The following FBXL13 variants were observed in gnomAD, a reference collection of about 807,000 sequenced individuals.
FBXL13 encodes the protein F-box and leucine rich repeat protein 13, also known as F-box and leucine-rich repeat protein 13.
Under a neutral mutation model 83.6 loss-of-function variants are expected in FBXL13, and 67 were observed. That is an observed-to-expected ratio of 0.80 (90% CI 0.66 to 0.98). The LOEUF is 0.98. FBXL13 is among the 50% of genes least tolerant of loss of function. The pLI is 0.00. For synonymous variants in FBXL13, 272 were observed against 299.5 expected (o/e 0.91, Z 0.95); for missense variants, 822 against 866.5 (o/e 0.95, Z 0.64).
chr7:102,869,574 C>T (rs560596880), intron 16 of FBXL13, among the ~76,000 whole-genome samples: 3 of 152,182 alleles, frequency 2.0e-5, no homozygotes, highest in South Asian at 2.1e-4. Flanking sequence ...TAAAGTGTTT[C>T]GTCTATTCTT....
At chr7:102,872,613 C>A (rs541893209) in intron 16 of FBXL13, among the ~76,000 whole-genome samples, 7 of 152,322 alleles carry the variant, frequency 4.6e-5, no homozygotes, top group African/African-American at 1.7e-4. Flanking sequence ...CACCATGGAT[C>A]CTGTGGTCTT....
intron 9 of FBXL13, among the ~76,000 whole-genome samples, chr7:102,930,912 T>C (rs1270030063): frequency 1.3e-5 from 2 of 152,202 alleles, no homozygotes; most frequent in Admixed American, 6.5e-5. Flanking sequence ...GAATATAATA[T>C]GCCAAAGTTC....
intron 4 of FBXL13, 42 bp from the exon 6 acceptor site, chr7:103,027,600 T>C (rs757346174): frequency 1.0e-5 from 13 of 1,294,278 alleles, no homozygotes; most frequent in Non-Finnish European, 1.4e-5. Context: ...TTAATAGTTA[T>C]AGCTGTTTCC....
At chr7:102,826,121 T>C (rs1479580991) in intron 18 of FBXL13, among the ~76,000 whole-genome samples, 3 of 152,188 alleles carry the variant, frequency 2.0e-5, no homozygotes, top group African/African-American at 7.2e-5. Flanking sequence ...AATTATACTT[T>C]TGTTTCTTCT....
chr7:102,991,585 C>T (rs548431615), intron 6 of FBXL13, among the ~76,000 whole-genome samples: 86 of 152,154 alleles, frequency 5.7e-4, no homozygotes, highest in Middle Eastern at 3.4e-3. Context: ...GATCATAGGA[C>T]CAGGGAAGGC....
At chr7:102,932,341 ATATC>A (rs1819345350) in intron 8 of FBXL13, among the ~76,000 whole-genome samples, 1 of 152,188 alleles carries the variant, frequency 6.6e-6, no homozygotes, top group South Asian at 2.1e-4. Flanking sequence ...TGTACAATAA[ATATC>A]TATATAGCCA....
intron 8 of FBXL13, among the ~76,000 whole-genome samples, chr7:102,950,132 CACA>C (rs905370422): frequency 4.6e-5 from 7 of 151,738 alleles, no homozygotes; most frequent in African/African-American, 1.7e-4. Flanking sequence ...AAAACAGAAA[CACA>C]ACAATAAGAA....
chr7:103,069,511 C>T (rs142351423), intron 1 of FBXL13, among the ~76,000 whole-genome samples: 1 of 152,284 alleles, frequency 6.6e-6, no homozygotes, highest in East Asian at 1.9e-4. Context: ...AACCAAATCT[C>T]TCACAATCTT....
intron 16 of FBXL13, among the ~76,000 whole-genome samples, chr7:102,871,878 C>T (rs940880891): frequency 6.6e-6 from 1 of 152,112 alleles, no homozygotes; most frequent in Non-Finnish European, 1.5e-5. Flanking sequence ...AAGAACTCCT[C>T]ATCTCTTCCT....
At chr7:102,929,363 G>A (rs1187091784) in intron 9 of FBXL13, among the ~76,000 whole-genome samples, 1 of 152,124 alleles carries the variant, frequency 6.6e-6, no homozygotes, top group East Asian at 1.9e-4. Context: ...TCAGAAGAGG[G>A]AGAAATTAAT....
At chr7:102,898,157 TC>T (rs1812488392) in intron 11 of FBXL13, among the ~76,000 whole-genome samples, 1 of 151,984 alleles carries the variant, frequency 6.6e-6, no homozygotes, top group African/African-American at 2.4e-5. Context: ...ACCCAGCCAC[TC>T]GACTCCTATA....
At chr7:102,887,805 A>G (rs1349368949) in intron 11 of FBXL13, among the ~76,000 whole-genome samples, 1 of 152,246 alleles carries the variant, frequency 6.6e-6, no homozygotes, top group Non-Finnish European at 1.5e-5. Context: ...TGACCAAACA[A>G]CTAGGCACTA....
intron 1 of FBXL13, among the ~76,000 whole-genome samples, chr7:103,064,720 G>GA (rs1348789031): frequency 6.6e-6 from 1 of 152,126 alleles, no homozygotes; most frequent in Admixed American, 6.5e-5. Context: ...CCCTCCCCTT[G>GA]AATCTAAGTG....
chr7:102,925,220 C>CCCA (rs1198922617), intron 10 of FBXL13, among the ~76,000 whole-genome samples: 1 of 151,930 alleles, frequency 6.6e-6, no homozygotes, highest in Non-Finnish European at 1.5e-5. Context: ...ATGGTGAAAC[C>CCCA]CCATCTCTAC....
chr7:103,034,523 C>T (rs1479264493), intron 2 of FBXL13, among the ~76,000 whole-genome samples: 1 of 152,264 alleles, frequency 6.6e-6, no homozygotes, highest in Non-Finnish European at 1.5e-5. Context: ...CCCACGCCCA[C>T]CCGGAACTCC....
intron 14 of FBXL13, among the ~76,000 whole-genome samples, 188 bp from the exon 16 acceptor site, chr7:102,878,638 G>A (rs576781819): frequency 6.6e-6 from 1 of 152,206 alleles, no homozygotes; most frequent in South Asian, 2.1e-4. Context: ...ATGTATAAAT[G>A]AGAGGAATGG....
intron 6 of FBXL13, among the ~76,000 whole-genome samples, chr7:103,012,695 TA>T (rs568327025): frequency 6.6e-6 from 1 of 152,018 alleles, no homozygotes; most frequent in Non-Finnish European, 1.5e-5. Context: ...CCAGCCACTA[TA>T]AAAAAACACT....
intron 7 of FBXL13, among the ~76,000 whole-genome samples, chr7:102,964,812 G>T (rs753823048): frequency 6.6e-6 from 1 of 152,098 alleles, no homozygotes; most frequent in Non-Finnish European, 1.5e-5. Context: ...TGAGAAACAG[G>T]ATATTCACCA....
At chr7:102,990,071 A>G (rs1585260950) in intron 6 of FBXL13, among the ~76,000 whole-genome samples, 1 of 152,240 alleles carries the variant, frequency 6.6e-6, no homozygotes, top group East Asian at 1.9e-4. Flanking sequence ...TTAAAAGGTT[A>G]AAGTTTCCAA....
Sources: gnomAD v4.1 joint callset for allele counts (sites outside exome capture counted in the v4.1 genomes callset) on GRCh38, gnomAD v4.1.1 for gene constraint, MANE v1.5 for transcripts, NCBI Gene and HGNC (gene_info 2026-07-23, HGNC 2026-07-21) for gene names.